The following LRRC7 variants were observed in gnomAD, a reference collection of about 807,000 sequenced individuals.
LRRC7 encodes the protein leucine rich repeat containing 7.
Under a neutral mutation model 175.7 loss-of-function variants are expected in LRRC7, and 23 were observed. That is an observed-to-expected ratio of 0.13 (90% CI 0.09 to 0.19). The LOEUF (loss-of-function observed/expected upper bound fraction) is 0.19, where lower values mean the gene tolerates loss of function less well. LRRC7 is among the 10% of genes least tolerant of loss of function. The probability of loss-of-function intolerance (pLI) is 1.00; values close to 1 mark genes in which losing one functional copy is unlikely to be tolerated. For missense variants in LRRC7, 1,354 were observed against 1,904.7 expected (o/e 0.71, Z 5.38); for synonymous variants, 685 against 680.9 (o/e 1.01, Z -0.09).
At chr1:69,836,710 G>T (rs1681149788) in intron 6 of LRRC7, among the ~76,000 whole-genome samples, 1 of 151,792 alleles carries the variant, frequency 6.6e-6, no homozygotes, top group Non-Finnish European at 1.5e-5. Context: ...GCCAAAATCA[G>T]TACAAAATAT....
chr1:69,712,584 G>T (rs981603896), intron 2 of LRRC7, among the ~76,000 whole-genome samples: 1 of 152,108 alleles, frequency 6.6e-6, no homozygotes, highest in South Asian at 2.1e-4. Flanking sequence ...CAGCCTGGGC[G>T]ACAGAGCGAG....
chr1:69,883,031 G>A (rs2101618302), intron 7 of LRRC7, among the ~76,000 whole-genome samples: 1 of 152,030 alleles, frequency 6.6e-6, no homozygotes, highest in Non-Finnish European at 1.5e-5. Flanking sequence ...CATTTGGGTT[G>A]GTTCCAAGTC....
chr1:70,098,056 G>T, intron 25 of LRRC7, among the ~76,000 whole-genome samples: 1 of 151,714 alleles, frequency 6.6e-6, no homozygotes, highest in Admixed American at 6.6e-5. Flanking sequence ...CACAATGGTT[G>T]AACTAGTTTA....
chr1:69,869,799 T>A (rs957494241), intron 7 of LRRC7, among the ~76,000 whole-genome samples: 1 of 152,146 alleles, frequency 6.6e-6, no homozygotes, highest in Non-Finnish European at 1.5e-5. Context: ...GATTGATAAA[T>A]GTTAGCTGGA....
intron 7 of LRRC7, among the ~76,000 whole-genome samples, chr1:69,929,065 A>G (rs1463184194): frequency 2.0e-5 from 3 of 152,114 alleles, no homozygotes; most frequent in Non-Finnish European, 2.9e-5. Context: ...CTTCATATCC[A>G]TTCAGACCTA....
At chr1:70,025,570 ACT>A (rs1174327242) in intron 17 of LRRC7, among the ~76,000 whole-genome samples, 1 of 152,074 alleles carries the variant, frequency 6.6e-6, no homozygotes, top group Non-Finnish European at 1.5e-5. Flanking sequence ...TTTTCCAAGA[ACT>A]TTCACATTTT....
At chr1:69,773,612 C>T (rs1484318040) in intron 3 of LRRC7, among the ~76,000 whole-genome samples, 2 of 152,146 alleles carry the variant, frequency 1.3e-5, no homozygotes, top group Non-Finnish European at 2.9e-5. Flanking sequence ...ATATCAAAGG[C>T]AAGTTCTCCT....
At chr1:69,753,091 A>G (rs1389164664) in intron 2 of LRRC7, among the ~76,000 whole-genome samples, 3 of 152,052 alleles carry the variant, frequency 2.0e-5, no homozygotes, top group African/African-American at 4.8e-5. Flanking sequence ...TCCATATATT[A>G]TATGTGTAAC....
At chr1:69,961,168 AG>A (rs1236825255) in intron 8 of LRRC7, among the ~76,000 whole-genome samples, 2 of 152,194 alleles carry the variant, frequency 1.3e-5, no homozygotes, top group African/African-American at 4.8e-5. Flanking sequence ...AAAAATCACT[AG>A]CTCCTCTATA....
intron 11 of LRRC7, among the ~76,000 whole-genome samples, chr1:70,009,945 A>G (rs936704599): frequency 2.0e-5 from 3 of 152,042 alleles, no homozygotes; most frequent in African/African-American, 7.2e-5. Flanking sequence ...CCCTCTCTAT[A>G]ATGCAAATTT....
chr1:69,978,528 T>C (rs1220186240), intron 8 of LRRC7, among the ~76,000 whole-genome samples: 1 of 152,234 alleles, frequency 6.6e-6, no homozygotes, highest in Non-Finnish European at 1.5e-5. Context: ...AGAAGTATTT[T>C]TCTACATGCA....
At chr1:70,056,692 A>G (rs1661179847) in intron 23 of LRRC7, among the ~76,000 whole-genome samples, 1 of 152,110 alleles carries the variant, frequency 6.6e-6, no homozygotes, top group African/African-American at 2.4e-5. Context: ...CTTACATCTC[A>G]TTGACCCAAA....
At chr1:69,911,350 G>C (rs1272827356) in intron 7 of LRRC7, among the ~76,000 whole-genome samples, 3 of 152,142 alleles carry the variant, frequency 2.0e-5, no homozygotes, top group Non-Finnish European at 4.4e-5. Flanking sequence ...GCTCCACCCT[G>C]TTGTAAGTTC....
Position 70,138,411 on chromosome 1 carries a change from T to C in LRRC7, c.*16524T>C, listed in dbSNP as rs1666949273. On this transcript the variant is annotated 3_prime_UTR_variant, in exon 27 of 27. Coordinates refer to ENST00000651989, the MANE Select transcript of LRRC7 (RefSeq NM_001370785.2). ...CAGACATCATTATTCTACTTAAAAG[T>C]CTTTTTTTAAAATTCCAAATACTTG... 6.6e-6 allele frequency: 1 copy of C among 152,172 alleles called. No individual in the cohort carries two copies. Among genetic ancestry groups the C allele is most frequent in the East Asian group, 1.9e-4 (1 of 5,198 alleles). 9.4% of individuals were successfully genotyped at this position (152,172 alleles called of 1,614,324 possible).
intron 26 of LRRC7, among the ~76,000 whole-genome samples, chr1:70,111,136 A>G (rs1397362464): frequency 2.6e-5 from 4 of 152,208 alleles, no homozygotes; most frequent in Non-Finnish European, 5.9e-5. Flanking sequence ...ATAGCAAAAG[A>G]TATATGAGAG....
At chr1:69,935,564 C>G (rs1647920064) in intron 8 of LRRC7, among the ~76,000 whole-genome samples, 1 of 152,066 alleles carries the variant, frequency 6.6e-6, no homozygotes, top group Non-Finnish European at 1.5e-5. Context: ...TTGTCTATCC[C>G]TGATTTCTAA....
chr1:69,808,127 T>G lies in LRRC7; in HGVS notation c.421+15967T>G, dbSNP rs192032149. Among the ~76,000 whole-genome samples, 23 of 151,878 alleles carry G rather than the reference T, an allele frequency of 1.5e-4. No individual in the cohort carries two copies. In the East Asian group the frequency reaches 4.5e-3, roughly 30 times the overall value. On this transcript the variant is annotated intron_variant, in intron 4 of 26. Coordinates refer to ENST00000651989, the MANE Select transcript of LRRC7 (RefSeq NM_001370785.2). ...TTGTGTATGCTTCACAGAGTTCTCA[T>G]GCTGTGTTTTTAAGCTCCATCAGGT...
At chr1:69,781,511 G>A (rs993423896) in intron 3 of LRRC7, among the ~76,000 whole-genome samples, 1 of 150,884 alleles carries the variant, frequency 6.6e-6, no homozygotes, top group South Asian at 2.1e-4. Flanking sequence ...GTGAAGTCCC[G>A]TCTGTACCAA....
In LRRC7 at chr1:69,587,494, C is replaced by T. The variant is rs139513389; in HGVS notation, c.2+18853C>T. 7.9e-3 allele frequency among the ~76,000 whole-genome samples: 1,203 copies of T among 152,286 alleles called. 13 individuals are homozygous for T. The highest frequency in any genetic ancestry group is 0.011 in the Admixed American group (171 of 15,286). On this transcript the variant is annotated intron_variant, in intron 1 of 26. Coordinates refer to ENST00000651989, the MANE Select transcript of LRRC7 (RefSeq NM_001370785.2). The stretch of plus-strand genomic sequence containing the variant: ...AGGACACTTCTCCTGATTAAACCAT[C>T]ACTGACTCCTTGTGCCCCAGCTCTT...
Sources: allele counts gnomAD v4.1 joint callset (sites outside exome capture counted in the v4.1 genomes callset), GRCh38; gene constraint gnomAD v4.1.1; transcripts MANE v1.5; gene names NCBI Gene and HGNC (gene_info 2026-07-23, HGNC 2026-07-21).